Variants in ASIC2 observed in about 807,000 individuals in gnomAD.
The protein encoded by ASIC2 is acid sensing ion channel subunit 2.
ASIC2 carries 25 observed loss-of-function variants against 57.3 expected under a neutral mutation model. That is an observed-to-expected ratio of 0.44 (90% confidence interval 0.32 to 0.61). The LOEUF (loss-of-function observed/expected upper bound fraction) is 0.61, where lower values mean the gene tolerates loss of function less well. Ranked by LOEUF, ASIC2 falls within the 20% of genes least tolerant of loss-of-function variation. The pLI, the probability that ASIC2 is intolerant of heterozygous loss-of-function variation, is 0.06. For synonymous variants in ASIC2, 319 were observed against 307.5 expected (o/e 1.04, Z -0.39); for missense variants, 641 against 738.1 (o/e 0.87, Z 1.52).
intron 1 of ASIC2, among the ~76,000 whole-genome samples, chr17:34,096,887 T>C (rs961854750): frequency 2.3e-5 from 2 of 86,538 alleles, no homozygotes. Context: ...AAAAAAAAAG[T>C]AGATAGGACT....
chr17:33,491,355 CA>C (rs1185166379), intron 1 of ASIC2, among the ~76,000 whole-genome samples: 2 of 152,174 alleles, frequency 1.3e-5, no homozygotes, highest in Non-Finnish European at 2.9e-5. Context: ...GAGGATTTAC[CA>C]GTCCCTGCCT....
At chr17:33,621,905 A>G (rs1905813898) in intron 1 of ASIC2, among the ~76,000 whole-genome samples, 1 of 152,074 alleles carries the variant, frequency 6.6e-6, no homozygotes, top group African/African-American at 2.4e-5. Context: ...TTAAGTTGGG[A>G]TGATAATAGT....
intron 1 of ASIC2, among the ~76,000 whole-genome samples, chr17:34,149,095 T>C (rs1598048099): frequency 6.9e-6 from 1 of 144,692 alleles, no homozygotes; most frequent in East Asian, 2.0e-4. Flanking sequence ...CTTTTTTTCT[T>C]TTTTCTTTTT....
At chr17:33,320,927 C>T (rs1005574447) in intron 1 of ASIC2, among the ~76,000 whole-genome samples, 2 of 152,294 alleles carry the variant, frequency 1.3e-5, no homozygotes, top group South Asian at 4.1e-4. Flanking sequence ...ACCATTCGTT[C>T]TTACTGTTGT....
At chr17:33,780,999 C>T (rs962106919) in intron 1 of ASIC2, among the ~76,000 whole-genome samples, 1 of 152,132 alleles carries the variant, frequency 6.6e-6, no homozygotes, top group Non-Finnish European at 1.5e-5. Flanking sequence ...CGGGCTCAGG[C>T]CATGTGAGGA....
At chr17:33,036,815 C>G (rs2091910404) in intron 3 of ASIC2, among the ~76,000 whole-genome samples, 1 of 152,110 alleles carries the variant, frequency 6.6e-6, no homozygotes. Context: ...CAGGCTTTCA[C>G]AGAGATTTCC....
chr17:33,934,446 C>G (rs1916013803), intron 1 of ASIC2, among the ~76,000 whole-genome samples: 1 of 152,120 alleles, frequency 6.6e-6, no homozygotes, highest in African/African-American at 2.4e-5. Flanking sequence ...CCCCTGGTCT[C>G]GGGGAGTTCA....
chr17:33,899,652 C>T (rs1368201215), intron 1 of ASIC2, among the ~76,000 whole-genome samples: 1 of 152,108 alleles, frequency 6.6e-6, no homozygotes, highest in African/African-American at 2.4e-5. Flanking sequence ...TATAAGAGGG[C>T]CTTGGAGACC....
chr17:33,024,341 GA>G (rs1270979318), intron 5 of ASIC2, among the ~76,000 whole-genome samples: 3 of 152,146 alleles, frequency 2.0e-5, no homozygotes, highest in African/African-American at 4.8e-5. Context: ...CTCATCCACA[GA>G]GAATGATCCA....
At chr17:33,455,726 A>G (rs995855198) in intron 1 of ASIC2, among the ~76,000 whole-genome samples, 2 of 152,232 alleles carry the variant, frequency 1.3e-5, no homozygotes, top group African/African-American at 4.8e-5. Context: ...AAGGCTAAAG[A>G]ACAGTGAAAT....
At chr17:33,544,285 A>G (rs1450896651) in intron 1 of ASIC2, among the ~76,000 whole-genome samples, 1 of 152,186 alleles carries the variant, frequency 6.6e-6, no homozygotes, top group Non-Finnish European at 1.5e-5. Flanking sequence ...TCGTCCACGC[A>G]CCAGCTGATG....
chr17:33,462,724 G>T (rs1912682354), intron 1 of ASIC2, among the ~76,000 whole-genome samples: 1 of 152,170 alleles, frequency 6.6e-6, no homozygotes, highest in Non-Finnish European at 1.5e-5. Flanking sequence ...AGTAGTTGGT[G>T]GTCACCCTAC....
In ASIC2 at chr17:34,085,106, C is replaced by T. The variant is rs142851886; in HGVS notation, c.555+70872G>A. On this transcript the variant is annotated intron_variant, in intron 1 of 9. Coordinates refer to the ASIC2 transcript ENST00000359872. ...TAGGAGTGGTGAGAGAGGGCATCCC[C>T]GTCTTGTGCCAATTTTCAAAGGGAA... 5.8e-4 allele frequency among the ~76,000 whole-genome samples: 89 copies of T among 152,216 alleles called. 1 individual carries two copies. The highest frequency in any genetic ancestry group is 4.1e-3 in the East Asian group (21 of 5,178).
At chr17:33,995,938 T>G (rs1254889406) in intron 1 of ASIC2, among the ~76,000 whole-genome samples, 1 of 152,204 alleles carries the variant, frequency 6.6e-6, no homozygotes, top group Non-Finnish European at 1.5e-5. Flanking sequence ...TTTTCCACAA[T>G]GGCTGTAGCA....
At chr17:33,243,613 A>T (rs1013478992) in intron 1 of ASIC2, among the ~76,000 whole-genome samples, 20 of 152,196 alleles carry the variant, frequency 1.3e-4, no homozygotes, top group Non-Finnish European at 2.8e-4. Context: ...ACTGTGTGTG[A>T]TGTTGAGGGA....
At chr17:33,717,185 G>C (rs1454511029) in intron 1 of ASIC2, among the ~76,000 whole-genome samples, 1 of 152,054 alleles carries the variant, frequency 6.6e-6, no homozygotes, top group African/African-American at 2.4e-5. Context: ...CAAAAAGGGT[G>C]TAATTACCAT....
In ASIC2 at chr17:33,291,638, G is replaced by C. The variant is rs1278737559; in HGVS notation, c.478C>G (p.Leu160Val). The change falls in exon 1 of 10, where the codon CTG becomes GTG. Residue 160 changes from leucine (L) to valine (V), a missense_variant. By Grantham distance (32) the Leu-to-Val change is conservative. Around this residue, in one of 3 missense-constraint regions of ASIC2, gnomAD observed 382 missense variants for 398.0 expected, o/e 0.96. Coordinates refer to ENST00000225823, the MANE Select transcript of ASIC2 (RefSeq NM_183377.2). ...DLYYAGHWLGLLLPNRTARPL... is the reference protein window; with the variant it reads ...DLYYAGHWLGVLLPNRTARPL... Reference sequence around the variant, plus strand: ...CGCGCGGTGCGGTTGGGCAGCAGCAGCCCGAGCCAGTGGCCGGCATAGTAG... The same window carrying C: ...CGCGCGGTGCGGTTGGGCAGCAGCACCCCGAGCCAGTGGCCGGCATAGTAG... The C allele has an allele frequency of 6.2e-7, 1 of 1,609,874 alleles. No individual in the cohort carries two copies. Among genetic ancestry groups the C allele is most frequent in the Non-Finnish European group, 8.5e-7 (1 of 1,178,472 alleles).
intron 1 of ASIC2, among the ~76,000 whole-genome samples, chr17:33,643,779 T>TA (rs1906655759): frequency 6.6e-6 from 1 of 152,288 alleles, no homozygotes. Flanking sequence ...ACAAGAGAGT[T>TA]AGAGTGTAAA....
intron 1 of ASIC2, among the ~76,000 whole-genome samples, chr17:33,523,987 G>A (rs911314513): frequency 1.3e-5 from 2 of 152,156 alleles, no homozygotes; most frequent in African/African-American, 4.8e-5. Context: ...GGGCCTTCTT[G>A]TCTCTTTCAG....
Sources: gnomAD v4.1 joint callset for allele counts (sites outside exome capture counted in the v4.1 genomes callset) on GRCh38, gnomAD v4.1.1 for gene constraint, gnomAD v4.1.1 regional missense constraint, MANE v1.5 for transcripts, NCBI Gene and HGNC (gene_info 2026-07-23, HGNC 2026-07-21) for gene names.